Variants in ECT2 observed in about 807,000 individuals in gnomAD.
ECT2 encodes the protein protein ECT2.
ECT2 carries 61 observed loss-of-function variants against 116.9 expected under a neutral mutation model. The ratio of observed to expected loss-of-function variants is 0.52; its 90% CI spans 0.42 to 0.65. The LOEUF (loss-of-function observed/expected upper bound fraction) is 0.65. Among genes scored for constraint, ECT2 ranks in the 30% least tolerant of loss-of-function variants. The pLI is 0.00. For missense variants in ECT2, 937 were observed against 1,078.7 expected, an observed-to-expected ratio of 0.87 and a Z score of 1.84; for synonymous variants, 358 against 346.4, an observed-to-expected ratio of 1.03 and a Z score of -0.37.
At chr3:172,812,163 T>A (rs1385215821) in intron 22 of ECT2, among the ~76,000 whole-genome samples, 3 of 152,150 alleles carry the variant, frequency 2.0e-5, no homozygotes, top group Non-Finnish European at 2.9e-5. Flanking sequence ...TTTGTATTTT[T>A]AGTAGAGACG....
chr3:172,808,230 T>C (rs1448167603), intron 22 of ECT2, among the ~76,000 whole-genome samples: 1 of 152,102 alleles, frequency 6.6e-6, no homozygotes, highest in Non-Finnish European at 1.5e-5. Context: ...TTGATACTCT[T>C]AGACATGGCT....
Position 172,786,551 on chromosome 3 carries a change from T to C in ECT2, c.1884T>C (p.Ile628=). 2.5e-6 allele frequency: 4 copies of C among 1,610,358 alleles called. No homozygotes were observed. Among genetic ancestry groups the C allele is most frequent in the Non-Finnish European group, 3.4e-6 (4 of 1,177,464 alleles). ...NPDKSTLEKA[I]GSLKEVMTHI... Reference sequence around the variant, plus strand: ...ACAAAAGCACTTTAGAAAAAGCTATTGGATCACTGAAGGAAGTAATGACGT... The same window carrying C: ...ACAAAAGCACTTTAGAAAAAGCTATCGGATCACTGAAGGAAGTAATGACGT... The change falls in exon 18 of 25, where the codon ATT becomes ATC. Residue 628 remains isoleucine, a synonymous_variant. Transcript: ENST00000392692.
chr3:172,789,903 T>A (rs1176208303), intron 18 of ECT2, among the ~76,000 whole-genome samples: 1 of 152,216 alleles, frequency 6.6e-6, no homozygotes, highest in Admixed American at 6.5e-5. Context: ...CCTTCTGCAA[T>A]TGAAATCTTG....
intron 12 of ECT2, among the ~76,000 whole-genome samples, chr3:172,765,949 A>G (rs1719296113): frequency 6.6e-6 from 1 of 151,956 alleles, no homozygotes; most frequent in South Asian, 2.1e-4. Flanking sequence ...AAATCCCTCC[A>G]CTCCTTTCTG....
In ECT2 at chr3:172,802,694, A is replaced by C; in HGVS notation, c.1986A>C (p.Pro662=). 6.3e-7 allele frequency: 1 copy of C among 1,590,388 alleles called. No homozygotes were observed. The highest frequency in any genetic ancestry group is 8.6e-7 in the Non-Finnish European group (1 of 1,169,398). Residue 662 remains proline (P), a splice_region_variant and synonymous_variant, in exon 19 of 25, where the codon CCA becomes CCC. Coordinates refer to ENST00000392692, the MANE Select transcript of ECT2 (RefSeq NM_001258315.2). ...TTGTTTATGAAGTAGATGGATGCCC[A>C]GTAAGTATTCTTCTTTAACAATTAT... ...FDVVYEVDGC[P]ANLLSSHRSL... is the part of the protein sequence containing the mutation.
chr3:172,791,190 C>CCA (rs2108812809), intron 18 of ECT2, among the ~76,000 whole-genome samples: 1 of 152,304 alleles, frequency 6.6e-6, no homozygotes, highest in South Asian at 2.1e-4. Flanking sequence ...GATGTGCTGT[C>CCA]ATCCATGCTT....
Position 172,755,342 on chromosome 3 carries a change from G to A in ECT2, c.178G>A (p.Gly60Arg), listed in dbSNP as rs754507414. The change falls in exon 3 of 25, where the codon GGA becomes AGA. Residue 60 changes from glycine (G) to arginine (R), a missense_variant. Transcript: ENST00000392692. Reference sequence around the variant, plus strand: ...AAGAGTGATATTGGTTCAAGAAGCTGGAAAACAAGAAGAACTTATAAAAGC... The same window carrying A: ...AAGAGTGATATTGGTTCAAGAAGCTAGAAAACAAGAAGAACTTATAAAAGC... ...ETRVILVQEAGKQEELIKALK... is the reference protein window; with the variant it reads ...ETRVILVQEARKQEELIKALK... 6.2e-7 allele frequency: 1 copy of A among 1,605,108 alleles called. No homozygotes were observed. Among genetic ancestry groups the A allele is most frequent in the Non-Finnish European group, 8.5e-7 (1 of 1,177,856 alleles).
rs1234721431 is a variant in ECT2 at position 172,820,870 on chromosome 3, A to G, written c.*633A>G. The G allele has an allele frequency of 6.6e-6, 1 of 151,984 alleles. No homozygotes were observed. Among genetic ancestry groups the G allele is most frequent in the Non-Finnish European group, 1.5e-5 (1 of 67,874 alleles). 9.4% of individuals were successfully genotyped at this position (151,984 alleles called of 1,614,324 possible). A position where few individuals can be genotyped will look rare whatever the true frequency, so the allele number is the denominator to read the frequency against. On this transcript the variant is annotated 3_prime_UTR_variant, in exon 25 of 25. Transcript: ENST00000392692. ...AGATTGTTTCAAAATATTTTTGCAAATTGAGATAAGGACAGAAAGATTGAG... is the reference window on the plus strand; with the variant it reads ...AGATTGTTTCAAAATATTTTTGCAAGTTGAGATAAGGACAGAAAGATTGAG...
intron 5 of ECT2, among the ~76,000 whole-genome samples, chr3:172,757,982 C>G (rs773555973): frequency 6.6e-6 from 1 of 152,012 alleles, no homozygotes; most frequent in Non-Finnish European, 1.5e-5. Context: ...CTCAGCCTCT[C>G]AAGTAGCTGG....
intron 13 of ECT2, among the ~76,000 whole-genome samples, chr3:172,769,762 T>A (rs985429789): frequency 6.6e-6 from 1 of 152,156 alleles, no homozygotes; most frequent in Non-Finnish European, 1.5e-5. Context: ...AACTGAAATT[T>A]AAGATTCCAA....
chr3:172,759,109 G>A, intron 6 of ECT2, 40 bp downstream of exon 6: 1 of 1,404,024 alleles, frequency 7.1e-7, no homozygotes, highest in Non-Finnish European at 9.8e-7. Context: ...ATTTTTTACA[G>A]CAAAATAAAT....
rs1464304559 is a variant in ECT2, at chr3:172,816,733, C to T, written c.2551C>T (p.Leu851Phe). The T allele has an allele frequency of 1.9e-6, 3 of 1,607,920 alleles. No individual in the cohort carries two copies. The highest frequency in any genetic ancestry group is 1.3e-5 in the African/African-American group (1 of 74,758). ...TTTCTCCAAAACTCCAAAAAGAGCT[C>T]TTCGAAGGGCTCTTATGACATCCCA... is the stretch of plus-strand genomic sequence containing the variant. ...FSFSKTPKRA[L>F]RRALMTSHGS... The change falls in exon 24 of 25, where the codon CTT becomes TTT. Residue 851 changes from leucine (L) to phenylalanine (F), a missense_variant. By Grantham distance (22) the Leu-to-Phe change is conservative (BLOSUM62 0). Coordinates refer to ENST00000392692, the MANE Select transcript of ECT2 (RefSeq NM_001258315.2).
rs780926480 is a variant in ECT2, at chr3:172,815,587, G to C, written c.2401-17G>C. 1 of 1,461,478 alleles carries C rather than the reference G, an allele frequency of 6.8e-7. No homozygotes were observed. The highest frequency in any genetic ancestry group is 1.3e-5 in the South Asian group (1 of 79,242). 90.5% of individuals were successfully genotyped at this position (1,461,478 alleles called of 1,614,324 possible). A position where few individuals can be genotyped will look rare whatever the true frequency, so the allele number is the denominator to read the frequency against. ...TTGTGTGTTTTTAAGATAACAAAAA[G>C]TATTATTTTTCAATAGGAGAATCTT... On this transcript the variant is annotated splice_polypyrimidine_tract_variant and intron_variant, in intron 22 of 24. Coordinates refer to ENST00000392692, the MANE Select transcript of ECT2 (RefSeq NM_001258315.2).
At chr3:172,820,097 AT>A (rs1288462797) in intron 24 of ECT2, 50 bp from the exon 25 acceptor site, 2 of 1,449,478 alleles carry the variant, frequency 1.4e-6, no homozygotes, top group South Asian at 2.5e-5. Context: ...GTATTTTACA[AT>A]TTTTTTAAAG....
At chr3:172,771,567 A>G (rs757507126) in intron 13 of ECT2, among the ~76,000 whole-genome samples, 12 of 152,226 alleles carry the variant, frequency 7.9e-5, no homozygotes, top group Non-Finnish European at 1.2e-4. Context: ...GAGATGGCCT[A>G]TACCAATCTA....
chr3:172,781,149 A>G (rs973652792), intron 14 of ECT2, among the ~76,000 whole-genome samples: 1 of 152,202 alleles, frequency 6.6e-6, no homozygotes, highest in Non-Finnish European at 1.5e-5. Flanking sequence ...TTCACTTAAA[A>G]TAATAGCTCA....
intron 22 of ECT2, among the ~76,000 whole-genome samples, chr3:172,809,252 A>G (rs1414543882): frequency 6.6e-6 from 1 of 152,072 alleles, no homozygotes; most frequent in Admixed American, 6.6e-5. Flanking sequence ...TTAACAGAAA[A>G]TTTTTCTTAT....
rs764242870 is a variant in ECT2, at chr3:172,807,944, T to C, written c.2400+20T>C. 3.7e-6 allele frequency: 6 copies of C among 1,603,788 alleles called. No homozygotes were observed. The highest frequency in any genetic ancestry group is 1.7e-4 in the Middle Eastern group (1 of 6,012). Reference sequence around the variant, plus strand: ...GATGCTGTAAGTTCTTAAAACAGTATTATAATGAAAGTTTAAATTTCATGA... The same window carrying C: ...GATGCTGTAAGTTCTTAAAACAGTACTATAATGAAAGTTTAAATTTCATGA... On this transcript the variant is annotated intron_variant, in intron 22 of 24. Transcript: ENST00000392692.
intron 18 of ECT2, among the ~76,000 whole-genome samples, chr3:172,800,389 A>G (rs1272941910): frequency 3.9e-5 from 6 of 152,164 alleles, no homozygotes; most frequent in Admixed American, 1.3e-4. Flanking sequence ...CAGTTCCCCA[A>G]AACTTTACTA....
Sources: allele counts gnomAD v4.1 joint callset (sites outside exome capture counted in the v4.1 genomes callset), GRCh38; gene constraint gnomAD v4.1.1; transcripts MANE v1.5; gene names NCBI Gene and HGNC (gene_info 2026-07-23, HGNC 2026-07-21).